SYCP1: variants seen among roughly 807,000 people sequenced by gnomAD.
SYCP1 encodes the protein cancer/testis antigen 8.
Under a neutral mutation model 153.1 loss-of-function variants are expected in SYCP1, and 64 were observed. That is an observed-to-expected ratio of 0.42 (90% CI 0.34 to 0.51). The LOEUF (loss-of-function observed/expected upper bound fraction) is 0.51. SYCP1 is among the 20% of genes least tolerant of loss of function. SYCP1 has a pLI of 0.06. For synonymous variants in SYCP1, 384 were observed against 341.8 expected (o/e 1.12, Z -1.36); for missense variants, 997 against 1,049.0 (o/e 0.95, Z 0.68).
chr1:114,877,558 A>G (rs1473599091), intron 11 of SYCP1, among the ~76,000 whole-genome samples: 1 of 152,228 alleles, frequency 6.6e-6, no homozygotes, highest in Non-Finnish European at 1.5e-5. Context: ...AACCACAAAA[A>G]TAGAGTGAAG....
At chr1:114,979,946 T>C (rs1242925583) in intron 28 of SYCP1, among the ~76,000 whole-genome samples, 1 of 151,852 alleles carries the variant, frequency 6.6e-6, no homozygotes, top group Non-Finnish European at 1.5e-5. Context: ...TATACTCTAA[T>C]TTAAACGCAC....
At chr1:114,890,863 T>C (rs1379970819) in intron 15 of SYCP1, among the ~76,000 whole-genome samples, 2 of 152,196 alleles carry the variant, frequency 1.3e-5, no homozygotes, top group East Asian at 3.8e-4. Context: ...CTTTTCCTTT[T>C]CTTGATTTCC....
intron 27 of SYCP1, among the ~76,000 whole-genome samples, chr1:114,962,182 G>A (rs549444894): frequency 4.0e-5 from 6 of 151,730 alleles, no homozygotes; most frequent in South Asian, 2.1e-4. Context: ...ACAGGGTTTC[G>A]CTGTGTTGGC....
intron 23 of SYCP1, among the ~76,000 whole-genome samples, chr1:114,935,404 G>A (rs1256946309): frequency 6.6e-6 from 1 of 152,222 alleles, no homozygotes; most frequent in Non-Finnish European, 1.5e-5. Context: ...CACATTTAAA[G>A]CAGTGTGTAG....
intron 16 of SYCP1, among the ~76,000 whole-genome samples, chr1:114,899,592 G>A (rs899235140): frequency 4.6e-5 from 7 of 152,132 alleles, no homozygotes; most frequent in African/African-American, 1.4e-4. Context: ...TGTGAATAAC[G>A]AAATGTCCAG....
intron 23 of SYCP1, among the ~76,000 whole-genome samples, chr1:114,929,006 C>A (rs564628486): frequency 1.3e-5 from 2 of 152,188 alleles, no homozygotes; most frequent in South Asian, 4.1e-4. Context: ...TCATAAACAG[C>A]CAACTTTTCA....
chr1:114,908,717 TTCTA>T (rs1265561369), intron 16 of SYCP1, among the ~76,000 whole-genome samples: 1 of 152,184 alleles, frequency 6.6e-6, no homozygotes, highest in Non-Finnish European at 1.5e-5. Flanking sequence ...TCCTTAGATT[TTCTA>T]TCTTTTTATT....
At chr1:114,942,743 A>C (rs1299606554) in intron 23 of SYCP1, among the ~76,000 whole-genome samples, 1 of 151,988 alleles carries the variant, frequency 6.6e-6, no homozygotes, top group Non-Finnish European at 1.5e-5. Flanking sequence ...GATGTGGGAC[A>C]ATATCTTTGT....
At chr1:114,913,216 C>T (rs1668298788) in intron 19 of SYCP1, 66 bp downstream of exon 19, 2 of 1,259,862 alleles carry the variant, frequency 1.6e-6, no homozygotes, top group African/African-American at 3.0e-5. Context: ...AATAGATGAC[C>T]TCTAAAGACC....
At chr1:114,922,418 A>T (rs780102445) in intron 20 of SYCP1, among the ~76,000 whole-genome samples, 6 of 152,168 alleles carry the variant, frequency 3.9e-5, no homozygotes, top group Non-Finnish European at 7.4e-5. Context: ...AAGCATGGTG[A>T]TGGCATCTGC....
intron 8 of SYCP1, among the ~76,000 whole-genome samples, chr1:114,872,831 T>A (rs1026358168): frequency 3.3e-5 from 5 of 152,054 alleles, no homozygotes; most frequent in Non-Finnish European, 7.4e-5. Context: ...TTCGTTTTAT[T>A]TTTTTTAGAG....
At chr1:114,960,571 T>C (rs1267108310) in intron 27 of SYCP1, among the ~76,000 whole-genome samples, 1 of 152,198 alleles carries the variant, frequency 6.6e-6, no homozygotes, top group Non-Finnish European at 1.5e-5. Context: ...TCAGCATTTG[T>C]TATTGCCTGA....
At chr1:114,917,814 AT>A (rs931550224) in intron 20 of SYCP1, among the ~76,000 whole-genome samples, 2 of 151,782 alleles carry the variant, frequency 1.3e-5, no homozygotes, top group African/African-American at 4.8e-5. Context: ...TCTTTCGCCC[AT>A]TTTTTCCCAT....
chr1:114,977,721 A>G, intron 28 of SYCP1, 105 bp downstream of exon 28: 1 of 654,520 alleles, frequency 1.5e-6, no homozygotes, highest in East Asian at 3.4e-5. Flanking sequence ...TTTTACATAT[A>G]TCATACAATT....
chr1:114,908,821 A>G (rs1402765980), intron 16 of SYCP1, among the ~76,000 whole-genome samples: 1 of 152,226 alleles, frequency 6.6e-6, no homozygotes, highest in African/African-American at 2.4e-5. Context: ...CATCTTGGTT[A>G]TACTGGGGTT....
intron 30 of SYCP1, among the ~76,000 whole-genome samples, chr1:114,989,691 C>A (rs904827317): frequency 6.6e-6 from 1 of 151,676 alleles, no homozygotes; most frequent in Non-Finnish European, 1.5e-5. Flanking sequence ...ATATAGTAAC[C>A]AAAAAATAGC....
chr1:114,994,718 G>T lies in SYCP1; in HGVS notation c.2724G>T (p.Glu908Asp). The T allele has an allele frequency of 6.4e-7, 1 of 1,567,820 alleles. No homozygotes were observed. The highest frequency in any genetic ancestry group is 8.6e-7 in the Non-Finnish European group (1 of 1,164,122). Residue 908 changes from glutamate (E) to aspartate (D), a missense_variant, in exon 31 of 32, where the codon GAG becomes GAT. By Grantham distance (45) the Glu-to-Asp change is conservative. This residue lies in a region of SYCP1 where 712 missense variants were observed against 682.9 expected (regional missense o/e 1.04). Transcript: ENST00000369522. ...TCAAGAGCATGGTTTCAGAAGAAGA[G>T]ACATTGAAAACACTGTATAGGAACA... The part of the protein sequence containing the change: ...TDLLSMVSEE[E>D]TLKTLYRNNN...
At chr1:114,980,464 C>T (rs1246286547) in intron 28 of SYCP1, among the ~76,000 whole-genome samples, 1 of 151,824 alleles carries the variant, frequency 6.6e-6, no homozygotes, top group Non-Finnish European at 1.5e-5. Context: ...AGCAAATAGC[C>T]ATTTTCTCAG....
In SYCP1 at chr1:114,994,929, T is replaced by C; in HGVS notation, c.2841T>C (p.Ala947=). Residue 947 remains alanine (A), a synonymous_variant, in exon 32 of 32, where the codon GCT becomes GCC. Coordinates refer to ENST00000369522, the MANE Select transcript of SYCP1 (RefSeq NM_003176.4). ...TTPGSTLKFG[A]IRKMREDRWA... ...CTGGATCTACACTGAAGTTTGGAGC[T>C]ATAAGAAAAATGCGGGAGGACCGTT... 6.2e-7 allele frequency: 1 copy of C among 1,609,356 alleles called. No individual in the cohort carries two copies. Among genetic ancestry groups the C allele is most frequent in the Non-Finnish European group, 8.5e-7 (1 of 1,177,310 alleles).
Sources: allele counts gnomAD v4.1 joint callset (sites outside exome capture counted in the v4.1 genomes callset), GRCh38; gene constraint gnomAD v4.1.1; regional missense constraint gnomAD v4.1.1; transcripts MANE v1.5; gene names NCBI Gene and HGNC (gene_info 2026-07-23, HGNC 2026-07-21).